CSMD3: variants seen among roughly 807,000 people sequenced by gnomAD.
The protein encoded by CSMD3 is CUB and Sushi multiple domains 3.
Under a neutral mutation model 435.2 loss-of-function variants are expected in CSMD3, and 177 were observed. The observed-to-expected ratio is 0.41, with a 90% CI of 0.36 to 0.46. The LOEUF (loss-of-function observed/expected upper bound fraction) is 0.46, where lower values mean the gene tolerates loss of function less well. CSMD3 is among the 20% of genes least tolerant of loss of function. The pLI is 0.34. For synonymous variants in CSMD3, 1,656 were observed against 1,520.5 expected (o/e 1.09, Z -2.07); for missense variants, 4,265 against 4,504.6 (o/e 0.95, Z 1.52).
At chr8:113,218,567 T>C (rs145326117) in intron 3 of CSMD3, among the ~76,000 whole-genome samples, 6 of 150,322 alleles carry the variant, frequency 4.0e-5, no homozygotes, top group African/African-American at 9.7e-5. Flanking sequence ...ATTTGCTACA[T>C]TGAAGAAAAA....
chr8:112,540,249 A>G (rs1268116104), intron 27 of CSMD3, among the ~76,000 whole-genome samples: 12 of 152,154 alleles, frequency 7.9e-5, no homozygotes, highest in South Asian at 6.2e-4. Context: ...ATCTCACGCC[A>G]GTTAAAATGG....
At chr8:113,003,066 C>T (rs2085924990) in intron 6 of CSMD3, among the ~76,000 whole-genome samples, 1 of 151,762 alleles carries the variant, frequency 6.6e-6, no homozygotes, top group African/African-American at 2.4e-5. Flanking sequence ...ATGGTGAAAC[C>T]CCAACATTTC....
At chr8:112,896,351 T>A (rs2081949953) in intron 10 of CSMD3, among the ~76,000 whole-genome samples, 1 of 151,386 alleles carries the variant, frequency 6.6e-6, no homozygotes, top group Non-Finnish European at 1.5e-5. Flanking sequence ...TATGAAGTGA[T>A]AAAAAGATGA....
intron 4 of CSMD3, among the ~76,000 whole-genome samples, chr8:113,150,666 T>C (rs2091785217): frequency 6.6e-6 from 1 of 152,044 alleles, no homozygotes; most frequent in East Asian, 1.9e-4. Flanking sequence ...AGAAAATGAA[T>C]ATGGGAAAGG....
At chr8:112,589,252 C>G (rs1264103933) in intron 22 of CSMD3, among the ~76,000 whole-genome samples, 4 of 152,100 alleles carry the variant, frequency 2.6e-5, no homozygotes, top group Admixed American at 1.3e-4. Flanking sequence ...CCTTCTCTGC[C>G]ATGGACCTTG....
chr8:112,376,629 C>T (rs1828966408), intron 38 of CSMD3, among the ~76,000 whole-genome samples: 2 of 152,012 alleles, frequency 1.3e-5, no homozygotes, highest in Admixed American at 1.3e-4. Context: ...GAAGCCAGCA[C>T]AATTACAAAA....
chr8:113,259,875 T>C (rs1403232872), intron 3 of CSMD3, among the ~76,000 whole-genome samples: 4 of 151,972 alleles, frequency 2.6e-5, no homozygotes, highest in African/African-American at 7.2e-5. Context: ...TTATCTTCAA[T>C]TGTAGTTCCC....
intron 23 of CSMD3, among the ~76,000 whole-genome samples, chr8:112,580,193 AT>A (rs1801697183): frequency 6.6e-6 from 1 of 152,082 alleles, no homozygotes; most frequent in Non-Finnish European, 1.5e-5. Flanking sequence ...GAGCCTACAT[AT>A]AATAAACCCC....
intron 10 of CSMD3, among the ~76,000 whole-genome samples, chr8:112,875,458 T>C (rs954998601): frequency 6.6e-6 from 1 of 152,146 alleles, no homozygotes; most frequent in African/African-American, 2.4e-5. Context: ...TATTTGAATG[T>C]TGTCCTGTCT....
At position 112,636,068 on chromosome 8, in the gene CSMD3, A is replaced by T. The variant is rs190250521; in HGVS notation, c.3715+749T>A. Among the ~76,000 whole-genome samples, 124 of 152,272 alleles carry T rather than the reference A, an allele frequency of 8.1e-4. 3 individuals are homozygous for T. The East Asian group carries it at 0.024, about 29-fold the overall frequency. On this transcript the variant is annotated intron_variant, in intron 22 of 70. Coordinates refer to ENST00000297405, the MANE Select transcript of CSMD3 (RefSeq NM_198123.2). ...ATGTACTGATAATCACTAAACAGCA[A>T]GAAGTTTTTGGCCTTAATATTTTCT...
chr8:113,417,132 C>T (rs1235901230), intron 1 of CSMD3, among the ~76,000 whole-genome samples: 2 of 151,980 alleles, frequency 1.3e-5, no homozygotes, highest in Non-Finnish European at 2.9e-5. Flanking sequence ...AATGGTGCCT[C>T]TAAGAGTAAA....
At chr8:113,059,094 C>T (rs1011947709) in intron 5 of CSMD3, among the ~76,000 whole-genome samples, 2 of 151,938 alleles carry the variant, frequency 1.3e-5, no homozygotes, top group African/African-American at 2.4e-5. Context: ...CTCATGATTC[C>T]CCAAAGACAT....
intron 5 of CSMD3, among the ~76,000 whole-genome samples, chr8:113,039,054 T>G (rs779762376): frequency 9.2e-5 from 14 of 152,170 alleles, no homozygotes; most frequent in Non-Finnish European, 5.9e-5. Flanking sequence ...AAGCTGATTT[T>G]TATGGTATAG....
At chr8:113,325,020 A>G (rs2093974370) in intron 1 of CSMD3, among the ~76,000 whole-genome samples, 1 of 152,182 alleles carries the variant, frequency 6.6e-6, no homozygotes, top group African/African-American at 2.4e-5. Context: ...CCCATTTGGA[A>G]CAGCTGTATT....
Position 112,265,459 on chromosome 8 carries a change from T to C in CSMD3, c.9640A>G (p.Thr3214Ala), listed in dbSNP as rs773635450. The change falls in exon 60 of 71, where the codon ACT becomes GCT. Residue 3214 changes from threonine to alanine, a missense_variant. This residue lies in a region of CSMD3 where 3,255 missense variants were observed against 3,380.2 expected (regional missense o/e 0.96). Coordinates refer to ENST00000297405, the MANE Select transcript of CSMD3 (RefSeq NM_198123.2). ...TMELNGSRIR[T>A]CTINGTWSGV... ...CTCCATGTGCCATTAATTGTACAAGTCCTGATTCTGGAGCCATTCAATTCC... is the reference window on the plus strand; with the variant it reads ...CTCCATGTGCCATTAATTGTACAAGCCCTGATTCTGGAGCCATTCAATTCC... The C allele has an allele frequency of 2.5e-6, 4 of 1,613,810 alleles. No homozygotes were observed. The highest frequency in any genetic ancestry group is 2.5e-6 in the Non-Finnish European group (3 of 1,179,770).
At chr8:112,398,707 A>G (rs930135518) in intron 35 of CSMD3, among the ~76,000 whole-genome samples, 2 of 152,168 alleles carry the variant, frequency 1.3e-5, no homozygotes, top group Non-Finnish European at 2.9e-5. Flanking sequence ...TCTGACTCCA[A>G]GGCCCTTGCA....
At chr8:112,391,283 A>G (rs1274695478) in intron 35 of CSMD3, among the ~76,000 whole-genome samples, 3 of 152,180 alleles carry the variant, frequency 2.0e-5, no homozygotes, top group East Asian at 3.9e-4. Context: ...AGTACTTTAC[A>G]TATTTTAACT....
At chr8:112,370,023 GGAA>G (rs71309767) in intron 38 of CSMD3, among the ~76,000 whole-genome samples, 4,468 of 66,292 alleles carry the variant, frequency 0.067, 196 homozygotes, top group Non-Finnish European at 0.084. Context: ...AAGAAGAAGA[GGAA>G]GAAGAAGAAG....
chr8:112,455,527 T>C (rs1258437630), intron 32 of CSMD3, among the ~76,000 whole-genome samples: 1 of 152,038 alleles, frequency 6.6e-6, no homozygotes, highest in Non-Finnish European at 1.5e-5. Flanking sequence ...AATATACTCA[T>C]GTAACAAATC....
Sources: gnomAD v4.1 joint callset for allele counts (sites outside exome capture counted in the v4.1 genomes callset) on GRCh38, gnomAD v4.1.1 for gene constraint, gnomAD v4.1.1 regional missense constraint, MANE v1.5 for transcripts, NCBI Gene and HGNC (gene_info 2026-07-23, HGNC 2026-07-21) for gene names.